Variants in PIGG observed in about 807,000 individuals in gnomAD.
PIGG encodes phosphatidylinositol glycan anchor biosynthesis class G (EMM blood group).
PIGG carries 70 observed loss-of-function variants against 83.2 expected under a neutral mutation model. That is an observed-to-expected ratio of 0.84 (90% confidence interval 0.69 to 1.03). PIGG has a LOEUF of 1.03. Ranked by LOEUF, PIGG falls within the 50% of genes least tolerant of loss-of-function variation. The probability of loss-of-function intolerance (pLI) is 0.00; values close to 1 mark genes in which losing one functional copy is unlikely to be tolerated. For missense variants in PIGG, 1,257 were observed against 1,233.6 expected, an observed-to-expected ratio of 1.02 and a Z score of -0.28; for synonymous variants, 532 against 519.5, an observed-to-expected ratio of 1.02 and a Z score of -0.33.
At chr4:518,313 G>A (rs576015149) in intron 6 of PIGG, among the ~76,000 whole-genome samples, 10 of 152,218 alleles carry the variant, frequency 6.6e-5, no homozygotes, top group Non-Finnish European at 1.5e-5. Context: ...AACAAAATTG[G>A]CCAGGTGTGG....
Position 508,817 on chromosome 4 carries a change from T to A in PIGG, c.760-12T>A. On this transcript the variant is annotated splice_polypyrimidine_tract_variant and intron_variant, in intron 4 of 12. Coordinates refer to ENST00000453061, the MANE Select transcript of PIGG (RefSeq NM_001127178.3). ...CTGAACGCAGTTGAAATGTTTTTCC[T>A]TTGCCTTAAAGGAGAGAGAGACGCC... 1.2e-6 allele frequency: 2 copies of A among 1,613,100 alleles called. No homozygotes were observed. Among genetic ancestry groups the A allele is most frequent in the Non-Finnish European group, 1.7e-6 (2 of 1,179,416 alleles).
intron 5 of PIGG, among the ~76,000 whole-genome samples, chr4:511,295 TTAAAAAAAAA>T (rs1721851519): frequency 7.0e-6 from 1 of 142,798 alleles, no homozygotes; most frequent in African/African-American, 2.7e-5. Context: ...CTCCCCATCT[TTAAAAAAAAA>T]AAAAAAAAAA....
Position 539,298 on chromosome 4 carries a change from C to T in PIGG, c.2881C>T (p.His961Tyr). 6.2e-7 allele frequency: 1 copy of T among 1,613,548 alleles called. No homozygotes were observed. Residue 961 changes from histidine (H) to tyrosine (Y), a missense_variant, in exon 13 of 13, where the codon CAC (histidine) becomes TAC (tyrosine). Transcript: ENST00000453061. The stretch of plus-strand genomic sequence containing the variant: ...TCCAAAACTTCTCTACGAGGGAATG[C>T]ACCTGCTCATTACAGCTGCTGTCTG... ...FSPKLLYEGM[H>Y]LLITAAVCVF...
chr4:505,459 CAAAAAAAA>C (rs35308755), intron 2 of PIGG, among the ~76,000 whole-genome samples: 45 of 45,026 alleles, frequency 1.0e-3, no homozygotes, highest in Admixed American at 8.4e-3. Context: ...CTGTATCTAC[CAAAAAAAA>C]AAAAAAAAAA....
intron 8 of PIGG, chr4:522,247 C>G (rs1005403257): frequency 1.6e-4 from 91 of 580,054 alleles, no homozygotes; most frequent in Admixed American, 2.1e-4. Context: ...AGGAACAAGC[C>G]CCCCCGCTGA....
chr4:513,088 CTT>C (rs1433299726), intron 5 of PIGG, among the ~76,000 whole-genome samples: 17 of 152,196 alleles, frequency 1.1e-4, no homozygotes, highest in Non-Finnish European at 2.1e-4. Context: ...GCTGCAGACT[CTT>C]AGGCTTCTTA....
intron 2 of PIGG, 102 bp from the exon 3 acceptor site, chr4:505,616 G>C (rs1719369460): frequency 1.3e-6 from 1 of 781,118 alleles, no homozygotes; most frequent in South Asian, 1.8e-5. Context: ...CTGAGCAACA[G>C]AGAGGGACCC....
chr4:512,261 C>G (rs1165998257), intron 5 of PIGG, among the ~76,000 whole-genome samples: 1 of 145,858 alleles, frequency 6.9e-6, no homozygotes, highest in Non-Finnish European at 1.5e-5. Context: ...GCTCTGTCAC[C>G]CAGGCTGGAG....
intron 2 of PIGG, among the ~76,000 whole-genome samples, chr4:503,845 T>TACACACACACAC (rs56841358): frequency 3.0e-4 from 44 of 145,716 alleles, no homozygotes; most frequent in African/African-American, 9.7e-4. Context: ...TGTGATTTTA[T>TACACACACACAC]ACACACACAC....
intron 5 of PIGG, among the ~76,000 whole-genome samples, chr4:510,741 C>T (rs1721619032): frequency 6.6e-6 from 1 of 152,200 alleles, no homozygotes; most frequent in African/African-American, 2.4e-5. Context: ...GTACTCACAG[C>T]ATTGGGCCAC....
chr4:506,211 G>C (rs928581731), intron 3 of PIGG, among the ~76,000 whole-genome samples: 4 of 152,252 alleles, frequency 2.6e-5, no homozygotes, highest in East Asian at 1.9e-4. Context: ...ACAGCCAAGG[G>C]ACTGTCTGAG....
chr4:502,805 G>T (rs12644335), intron 2 of PIGG, among the ~76,000 whole-genome samples: 1 of 151,776 alleles, frequency 6.6e-6, no homozygotes, highest in Non-Finnish European at 1.5e-5. Flanking sequence ...CACAAAAGAA[G>T]GGATGAAAAC....
intron 6 of PIGG, among the ~76,000 whole-genome samples, 160 bp from the exon 7 acceptor site, chr4:520,896 A>AC (rs1459836213): frequency 6.6e-6 from 1 of 152,058 alleles, no homozygotes; most frequent in Non-Finnish European, 1.5e-5. Flanking sequence ...GGCGTTGCAG[A>AC]CCCCCCACCC....
intron 5 of PIGG, among the ~76,000 whole-genome samples, chr4:511,792 CA>C (rs1722047408): frequency 6.6e-6 from 1 of 152,162 alleles, no homozygotes; most frequent in South Asian, 2.1e-4. Flanking sequence ...GATTTGCTAG[CA>C]AAGAATTTTT....
Position 523,440 on chromosome 4 carries a change from T to C in PIGG, c.1615-19T>C, listed in dbSNP as rs755246259. 1.3e-5 allele frequency: 20 copies of C among 1,558,900 alleles called. No individual in the cohort carries two copies. The highest frequency in any genetic ancestry group is 1.7e-5 in the Non-Finnish European group (19 of 1,139,528). On this transcript the variant is annotated intron_variant, in intron 8 of 12. Transcript: ENST00000453061. ...CGTTATCAGACCGTCTCTTACAAAG[T>C]GCACTTTCCTTTTCACAGAACCCCA...
In PIGG at chr4:523,585, C is replaced by G; in HGVS notation, c.1741C>G (p.Leu581Val). 2 of 1,614,134 alleles carry G rather than the reference C, an allele frequency of 1.2e-6. No individual in the cohort carries two copies. Among genetic ancestry groups the G allele is most frequent in the Non-Finnish European group, 1.7e-6 (2 of 1,180,000 alleles). Residue 581 changes from leucine (L) to valine (V), a missense_variant, in exon 9 of 13, where the codon CTT becomes GTT. By Grantham distance (32) the Leu-to-Val change is conservative. Coordinates refer to ENST00000453061, the MANE Select transcript of PIGG (RefSeq NM_001127178.3). ...GGAGGAGCACCAGACCTGGTACTTC[C>G]TTGTGAACACCCTGTGTCTAGCTCT... ...VEEEHQTWYFLVNTLCLALSQ... is the reference protein window; with the variant it reads ...VEEEHQTWYFVVNTLCLALSQ...
intron 11 of PIGG, chr4:533,591 G>A (rs539499305): frequency 4.1e-5 from 23 of 566,596 alleles, no homozygotes; most frequent in Admixed American, 1.8e-4. Flanking sequence ...GTGCCCTTCC[G>A]CAGCCTGGGC....
chr4:510,066 G>A (rs782190145), intron 5 of PIGG, among the ~76,000 whole-genome samples: 16 of 152,162 alleles, frequency 1.1e-4, no homozygotes, highest in Non-Finnish European at 2.1e-4. Context: ...CGGTCCGGGA[G>A]ACTTTGACCC....
At chr4:512,620 G>C (rs181345675) in intron 5 of PIGG, among the ~76,000 whole-genome samples, 1 of 151,876 alleles carries the variant, frequency 6.6e-6, no homozygotes, top group Non-Finnish European at 1.5e-5. Context: ...TTCGAGACCA[G>C]CCTGACCAAC....
Sources: gnomAD v4.1 joint callset for allele counts (sites outside exome capture counted in the v4.1 genomes callset) on GRCh38, gnomAD v4.1.1 for gene constraint, MANE v1.5 for transcripts, NCBI Gene and HGNC (gene_info 2026-07-23, HGNC 2026-07-21) for gene names.